Variants in SH3GL2 observed in about 807,000 individuals in gnomAD.
SH3GL2 encodes the protein endophilin-A1.
A neutral mutation model predicts 46.0 loss-of-function variants in SH3GL2; 24 were observed. The observed-to-expected ratio is 0.52, with a 90% CI of 0.38 to 0.73. The LOEUF (loss-of-function observed/expected upper bound fraction) is 0.73. SH3GL2 is among the 30% of genes least tolerant of loss of function. SH3GL2 has a pLI of 0.00. For missense variants in SH3GL2, 413 were observed against 424.2 expected (o/e 0.97, Z 0.23); for synonymous variants, 196 against 147.1 (o/e 1.33, Z -2.40).
At chr9:17,776,828 A>T (rs2131172764) in intron 3 of SH3GL2, among the ~76,000 whole-genome samples, 1 of 152,288 alleles carries the variant, frequency 6.6e-6, no homozygotes, top group East Asian at 1.9e-4. Context: ...GATTTGTAGC[A>T]TGAGCCAGTT....
intron 1 of SH3GL2, among the ~76,000 whole-genome samples, chr9:17,649,286 C>T (rs970878495): frequency 3.9e-5 from 6 of 152,094 alleles, no homozygotes; most frequent in Admixed American, 2.0e-4. Flanking sequence ...AGGCTGGTCT[C>T]GAACTTGTGA....
chr9:17,754,352 C>G (rs1272443183), intron 2 of SH3GL2, among the ~76,000 whole-genome samples: 1 of 152,098 alleles, frequency 6.6e-6, no homozygotes, highest in Non-Finnish European at 1.5e-5. Context: ...TCTCTGATTT[C>G]TTTCAGCAGT....
At chr9:17,587,109 G>T (rs1034797647) in intron 1 of SH3GL2, among the ~76,000 whole-genome samples, 11 of 152,200 alleles carry the variant, frequency 7.2e-5, no homozygotes, top group Admixed American at 2.0e-4. Context: ...GGCTGAGGCA[G>T]GAGAATTGCT....
chr9:17,746,485 G>C (rs1240195529), intron 1 of SH3GL2, among the ~76,000 whole-genome samples: 2 of 152,170 alleles, frequency 1.3e-5, no homozygotes, highest in Non-Finnish European at 2.9e-5. Flanking sequence ...GCAAAGAAAT[G>C]CCTTCAACAG....
chr9:17,715,059 T>C (rs1821716441), intron 1 of SH3GL2, among the ~76,000 whole-genome samples: 1 of 151,904 alleles, frequency 6.6e-6, no homozygotes, highest in Admixed American at 6.6e-5. Flanking sequence ...CAACAGTCTT[T>C]TTGTTTTGTA....
Position 17,772,257 on chromosome 9 carries a change from A to G in SH3GL2, c.187+10748A>G, listed in dbSNP as rs529199187. Among the ~76,000 whole-genome samples, 11 of 152,360 alleles carry G rather than the reference A, an allele frequency of 7.2e-5. No individual in the cohort carries two copies. In the East Asian group the frequency reaches 2.1e-3, roughly 29 times the overall value. Reference sequence around the variant, plus strand: ...TAGTGTGATTTGAGGATTTATACTCATCTTACAATTGTAATCTCTATATTA... The same window carrying G: ...TAGTGTGATTTGAGGATTTATACTCGTCTTACAATTGTAATCTCTATATTA... On this transcript the variant is annotated intron_variant, in intron 3 of 8. Transcript: ENST00000380607.
intron 1 of SH3GL2, among the ~76,000 whole-genome samples, chr9:17,659,607 C>CA (rs1820166000): frequency 1.3e-5 from 2 of 152,158 alleles, no homozygotes; most frequent in African/African-American, 4.8e-5. Flanking sequence ...GTTGTACTTA[C>CA]ACGCTCTCTG....
At chr9:17,616,940 C>A (rs988616514) in intron 1 of SH3GL2, among the ~76,000 whole-genome samples, 6 of 152,182 alleles carry the variant, frequency 3.9e-5, no homozygotes, top group African/African-American at 1.4e-4. Context: ...GTTTCCTTCC[C>A]AGAGGCAACC....
At chr9:17,735,344 A>T (rs1822300742) in intron 1 of SH3GL2, among the ~76,000 whole-genome samples, 1 of 152,130 alleles carries the variant, frequency 6.6e-6, no homozygotes. Flanking sequence ...TATGAGTATA[A>T]GCACCCTGAA....
intron 1 of SH3GL2, among the ~76,000 whole-genome samples, chr9:17,702,076 A>G (rs1536073): frequency 0.57 from 86,597 of 151,812 alleles, 26,072 homozygotes; most frequent in African/African-American, 0.75. Context: ...GTGTATTACT[A>G]GTTCATGAAG....
At chr9:17,637,429 G>T (rs183858037) in intron 1 of SH3GL2, among the ~76,000 whole-genome samples, 207 of 152,258 alleles carry the variant, frequency 1.4e-3, no homozygotes, top group Middle Eastern at 3.4e-3. Context: ...TAGCACTTGT[G>T]CTGTTTATTA....
intron 1 of SH3GL2, among the ~76,000 whole-genome samples, chr9:17,707,708 G>C (rs1563821248): frequency 6.6e-6 from 1 of 152,032 alleles, no homozygotes; most frequent in East Asian, 1.9e-4. Flanking sequence ...GAGAGTGAAA[G>C]TTGATATTGA....
At chr9:17,753,165 ACACATGTGT>A (rs1231941944) in intron 2 of SH3GL2, among the ~76,000 whole-genome samples, 3 of 152,174 alleles carry the variant, frequency 2.0e-5, no homozygotes, top group Non-Finnish European at 4.4e-5. Context: ...GCTGCAGTGA[ACACATGTGT>A]GCATGTGTCT....
intron 1 of SH3GL2, among the ~76,000 whole-genome samples, chr9:17,606,783 T>A (rs1818768322): frequency 6.6e-6 from 1 of 152,206 alleles, no homozygotes; most frequent in Admixed American, 6.5e-5. Context: ...CCTGCAGTGC[T>A]GAAAACTACC....
Position 17,787,523 on chromosome 9 carries a change from ATGAGTCTTCTGG to A in SH3GL2, c.465+11_465+22del. ...TCTTAGGGAAATTCAAGTATGTACA[ATGAGTCTTCTGG>A]AAAGTGGGCAGTTGAAATCATACAG... On this transcript the variant is annotated intron_variant, in intron 5 of 8. Transcript: ENST00000380607. 6.2e-7 allele frequency: 1 copy of A among 1,609,898 alleles called. No individual in the cohort carries two copies. The highest frequency in any genetic ancestry group is 8.5e-7 in the Non-Finnish European group (1 of 1,177,292).
At chr9:17,776,766 C>G (rs1348707462) in intron 3 of SH3GL2, among the ~76,000 whole-genome samples, 1 of 151,458 alleles carries the variant, frequency 6.6e-6, no homozygotes, top group African/African-American at 2.4e-5. Flanking sequence ...TGGGAGGAAC[C>G]AGCAGTGTGC....
chr9:17,763,310 C>G (rs1336868885), intron 3 of SH3GL2, among the ~76,000 whole-genome samples: 1 of 152,092 alleles, frequency 6.6e-6, no homozygotes, highest in Non-Finnish European at 1.5e-5. Context: ...CCATCCAGAA[C>G]TAAACTTATA....
intron 1 of SH3GL2, among the ~76,000 whole-genome samples, chr9:17,654,367 T>G (rs1820022919): frequency 6.6e-6 from 1 of 152,170 alleles, no homozygotes; most frequent in Non-Finnish European, 1.5e-5. Context: ...GAAGGGGGAT[T>G]GTCGTATTGT....
chr9:17,738,309 A>G (rs1822401086), intron 1 of SH3GL2, among the ~76,000 whole-genome samples: 1 of 151,372 alleles, frequency 6.6e-6, no homozygotes, highest in African/African-American at 2.4e-5. Context: ...GTGTCATGGC[A>G]TTTTCTTTTT....
Sources: allele counts gnomAD v4.1 joint callset (sites outside exome capture counted in the v4.1 genomes callset), GRCh38; gene constraint gnomAD v4.1.1; transcripts MANE v1.5; gene names NCBI Gene and HGNC (gene_info 2026-07-23, HGNC 2026-07-21).